The following TBC1D1 variants were observed in gnomAD, a reference collection of about 807,000 sequenced individuals.
The protein encoded by TBC1D1 is TBC1 domain family member 1, also known as TBC1 (tre-2/USP6, BUB2, cdc16) domain family, member 1.
In TBC1D1, 89 loss-of-function variants were observed where a neutral mutation model predicts 125.6. The observed-to-expected ratio is 0.71, with a 90% CI of 0.60 to 0.85. TBC1D1 has a LOEUF of 0.85. Ranked by LOEUF, TBC1D1 falls within the 40% of genes least tolerant of loss-of-function variation. The pLI, the probability that TBC1D1 is intolerant of heterozygous loss-of-function variation, is 0.00. For synonymous variants in TBC1D1, 565 were observed against 564.1 expected (o/e 1.00, Z -0.02); for missense variants, 1,377 against 1,469.2 (o/e 0.94, Z 1.03).
chr4:37,907,324 T>C (rs1396811726), intron 2 of TBC1D1, among the ~76,000 whole-genome samples: 1 of 152,240 alleles, frequency 6.6e-6, no homozygotes, highest in African/African-American at 2.4e-5. Flanking sequence ...ATATGAAATC[T>C]GAAACTATAT....
chr4:38,127,924 C>T lies in TBC1D1; in HGVS notation c.3132+2793C>T, dbSNP rs144985873. The stretch of plus-strand genomic sequence containing the variant: ...ATATTTTAGGCTTCACGGGTCATAA[C>T]GTCACAACTACTCACCTCTGCGACA... On this transcript the variant is annotated intron_variant, in intron 18 of 19. Coordinates refer to ENST00000261439, the MANE Select transcript of TBC1D1 (RefSeq NM_015173.4). Among the ~76,000 whole-genome samples the T allele has an allele frequency of 3.3e-3, 503 of 152,262 alleles. 5 individuals carry two copies. Among genetic ancestry groups the T allele is most frequent in the Admixed American group, 0.03 (464 of 15,296 alleles).
intron 12 of TBC1D1, among the ~76,000 whole-genome samples, chr4:38,080,090 G>A (rs567368987): frequency 2.6e-5 from 4 of 152,228 alleles, no homozygotes; most frequent in South Asian, 2.1e-4. Context: ...GCTGAAGCTC[G>A]TGTGGGGACC....
At chr4:38,077,635 T>C (rs1006108469) in intron 12 of TBC1D1, among the ~76,000 whole-genome samples, 1 of 151,586 alleles carries the variant, frequency 6.6e-6, no homozygotes, top group Admixed American at 6.6e-5. Context: ...CCTTAATTTT[T>C]TTTTTTTTTT....
rs902140269 is a variant in TBC1D1, at chr4:37,992,861, G to T, written c.418-21648G>T. Among the ~76,000 whole-genome samples the T allele has an allele frequency of 2.0e-5, 3 of 148,040 alleles. No homozygotes were observed. The Admixed American group carries it at 2.0e-4, about 10-fold the overall frequency. ...ACTCTGTCCCCTAGGCTGGAGTGCAGTGGCGCGATCTCAGCTCACTGCAAC... is the reference window on the plus strand; with the variant it reads ...ACTCTGTCCCCTAGGCTGGAGTGCATTGGCGCGATCTCAGCTCACTGCAAC... On this transcript the variant is annotated intron_variant, in intron 2 of 19. Coordinates refer to ENST00000261439, the MANE Select transcript of TBC1D1 (RefSeq NM_015173.4).
chr4:38,134,735 G>T (rs143471028), intron 19 of TBC1D1, among the ~76,000 whole-genome samples: 1 of 152,216 alleles, frequency 6.6e-6, no homozygotes, highest in East Asian at 1.9e-4. Context: ...TGCTGCTCCT[G>T]TGCTATTGTT....
At chr4:37,944,148 C>T (rs1053880590) in intron 2 of TBC1D1, among the ~76,000 whole-genome samples, 58 of 152,260 alleles carry the variant, frequency 3.8e-4, no homozygotes, top group African/African-American at 1.4e-3. Flanking sequence ...TGCAGAACAG[C>T]GAATATTGCT....
intron 6 of TBC1D1, among the ~76,000 whole-genome samples, chr4:38,022,755 A>G (rs1342096399): frequency 6.6e-6 from 1 of 152,154 alleles, no homozygotes; most frequent in Non-Finnish European, 1.5e-5. Flanking sequence ...GAGTGGTGAT[A>G]TGTTTATCTG....
rs182358504 is a variant in TBC1D1 at position 38,046,020 on chromosome 4, A to C, written c.1629+117A>C. ...TTGCTGCTTGCAAATTTCTTGGCAC[A>C]GGTGGAGGACTGGTCATGCAGTTCT... On this transcript the variant is annotated intron_variant, in intron 10 of 19. Coordinates refer to ENST00000261439, the MANE Select transcript of TBC1D1 (RefSeq NM_015173.4). 3.5e-4 allele frequency: 301 copies of C among 866,506 alleles called. 2 individuals are homozygous for C. The East Asian group carries it at 6.6e-3, about 19-fold the overall frequency. 53.7% of individuals were successfully genotyped at this position (866,506 alleles called of 1,614,324 possible).
intron 2 of TBC1D1, among the ~76,000 whole-genome samples, chr4:38,009,037 A>G (rs1740920947): frequency 6.6e-6 from 1 of 152,236 alleles, no homozygotes; most frequent in South Asian, 2.1e-4. Context: ...TGATTTAAGT[A>G]ATAGGCACTC....
At chr4:37,968,306 AG>A (rs1731423682) in intron 2 of TBC1D1, among the ~76,000 whole-genome samples, 1 of 152,222 alleles carries the variant, frequency 6.6e-6, no homozygotes, top group African/African-American at 2.4e-5. Context: ...TTGCAAGTTC[AG>A]GGGTTCCCTT....
intron 14 of TBC1D1, among the ~76,000 whole-genome samples, chr4:38,099,422 A>G (rs1018622762): frequency 1.4e-4 from 22 of 152,206 alleles, no homozygotes; most frequent in African/African-American, 5.1e-4. Context: ...AGACAGGATG[A>G]CCATAGGGCC....
chr4:38,029,206 C>T (rs540577639), intron 7 of TBC1D1, among the ~76,000 whole-genome samples: 18 of 152,120 alleles, frequency 1.2e-4, no homozygotes, highest in Middle Eastern at 3.4e-3. Flanking sequence ...TTTTGAGGGG[C>T]GGGCAGCAGG....
chr4:38,102,872 C>G, intron 14 of TBC1D1, 127 bp from the exon 17 acceptor site: 1 of 1,107,344 alleles, frequency 9.0e-7, no homozygotes, highest in Non-Finnish European at 1.3e-6. Flanking sequence ...CAAAGCCAGA[C>G]TCTGTCTCAA....
At chr4:38,045,925 C>T (rs1269124758) in intron 10 of TBC1D1, 22 bp downstream of exon 10, 15 of 1,596,582 alleles carry the variant, frequency 9.4e-6, no homozygotes, top group East Asian at 8.9e-5. Context: ...TCTCTTTATA[C>T]GACACCCTGA....
chr4:38,051,818 C>T, intron 11 of TBC1D1, 81 bp from the exon 12 acceptor site: 2 of 1,395,226 alleles, frequency 1.4e-6, no homozygotes, highest in Non-Finnish European at 9.7e-7. Flanking sequence ...GCGGTGTGCT[C>T]CTTCCACCTG....
intron 7 of TBC1D1, among the ~76,000 whole-genome samples, chr4:38,030,696 A>C (rs1055973148): frequency 7.2e-5 from 11 of 152,252 alleles, no homozygotes; most frequent in Admixed American, 2.0e-4. Context: ...GAGTCTCCTT[A>C]TAAAATAGAA....
intron 5 of TBC1D1, 111 bp from the exon 6 acceptor site, chr4:38,021,475 C>A: frequency 3.1e-6 from 3 of 969,656 alleles, no homozygotes; most frequent in Admixed American, 3.5e-5. Flanking sequence ...AAGAGTAGTA[C>A]AGAAAACTCT....
chr4:38,112,084 A>G (rs1762287297), intron 15 of TBC1D1: 2 of 985,306 alleles, frequency 2.0e-6, no homozygotes, highest in Non-Finnish European at 2.4e-6. Flanking sequence ...TGCATCCTGG[A>G]AGCCTTGACC....
chr4:37,967,451 C>T (rs1236630339), intron 2 of TBC1D1, among the ~76,000 whole-genome samples: 20 of 150,412 alleles, frequency 1.3e-4, no homozygotes, highest in African/African-American at 4.4e-4. Flanking sequence ...GCCGAGACTG[C>T]GCCATTGCAC....
Sources: gnomAD v4.1 joint callset for allele counts (sites outside exome capture counted in the v4.1 genomes callset) on GRCh38, gnomAD v4.1.1 for gene constraint, MANE v1.5 for transcripts, NCBI Gene and HGNC (gene_info 2026-07-23, HGNC 2026-07-21) for gene names.